The following PSIP1 variants were observed in gnomAD, a reference collection of about 807,000 sequenced individuals.
The protein encoded by PSIP1 is PC4 and SFRS1-interacting protein.
In PSIP1, 19 loss-of-function variants were observed where a neutral mutation model predicts 74.7. That is an observed-to-expected ratio of 0.25 (90% CI 0.18 to 0.37). The LOEUF (loss-of-function observed/expected upper bound fraction) is 0.37, where lower values mean the gene tolerates loss of function less well. Ranked by LOEUF, PSIP1 falls within the 10% of genes least tolerant of loss-of-function variation. PSIP1 has a pLI of 1.00. For missense variants in PSIP1, 601 were observed against 614.3 expected, an observed-to-expected ratio of 0.98 and a Z score of 0.23; for synonymous variants, 222 against 195.3, an observed-to-expected ratio of 1.14 and a Z score of -1.14.
In PSIP1 at chr9:15,474,067, G is replaced by C. The variant is rs1173627841; in HGVS notation, c.800C>G (p.Thr267Arg). 1 of 1,613,538 alleles carries C rather than the reference G, an allele frequency of 6.2e-7. No individual in the cohort carries two copies. The highest frequency in any genetic ancestry group is 8.5e-7 in the Non-Finnish European group (1 of 1,179,892). The change falls in exon 9 of 16, where the codon ACA becomes AGA. Residue 267 changes from threonine to arginine, a missense_variant. Thr to Arg is a moderately conservative substitution (Grantham distance 71). Transcript: ENST00000380733. ...AGAATCGGAGGTTGAAGTAACCCCT[G>C]TTTTAGCTAAATTTTTCCTTTTTGA... The part of the protein sequence containing the change: ...VESKRKNLAK[T>R]GVTSTSDSEE...
intron 2 of PSIP1, among the ~76,000 whole-genome samples, chr9:15,508,017 C>A (rs2037679238): frequency 6.6e-6 from 1 of 152,224 alleles, no homozygotes; most frequent in Non-Finnish European, 1.5e-5. Context: ...TCATATGCCT[C>A]TTTCTGCTAG....
In PSIP1 at chr9:15,474,253, T is replaced by C. The variant is rs777279915; in HGVS notation, c.630-16A>G. On this transcript the variant is annotated splice_polypyrimidine_tract_variant and intron_variant, in intron 8 of 15. Coordinates refer to ENST00000380733, the MANE Select transcript of PSIP1 (RefSeq NM_033222.5). ...TTCAGTAATGCTATTTTAGAGAACA[T>C]AACAATGTATACTTGTCATTCAACT... 1.9e-6 allele frequency: 3 copies of C among 1,569,406 alleles called. No homozygotes were observed. Among genetic ancestry groups the C allele is most frequent in the African/African-American group, 1.4e-5 (1 of 73,220 alleles).
At position 15,476,047 on chromosome 9, in the gene PSIP1, G is replaced by T. The variant is rs1195657127; in HGVS notation, c.630-1810C>A. 2.0e-5 allele frequency among the ~76,000 whole-genome samples: 3 copies of T among 152,262 alleles called. No individual in the cohort carries two copies. In the East Asian group the frequency reaches 5.8e-4, roughly 29 times the overall value. ...CGTGACAAAGAAGTAGACGCTAAGA[G>T]ATACATGGTGTTCTAACGGTGAAGA... On this transcript the variant is annotated intron_variant, in intron 8 of 15. Coordinates refer to ENST00000380733, the MANE Select transcript of PSIP1 (RefSeq NM_033222.5).
chr9:15,470,744 T>C, intron 10 of PSIP1: 1 of 962,608 alleles, frequency 1.0e-6, no homozygotes, highest in East Asian at 7.1e-5. Context: ...ATTAAGATTC[T>C]AAAGAATTAA....
intron 3 of PSIP1, among the ~76,000 whole-genome samples, chr9:15,492,866 G>C (rs979973775): frequency 2.0e-5 from 3 of 152,166 alleles, no homozygotes; most frequent in Non-Finnish European, 2.9e-5. Flanking sequence ...GCTATACCTT[G>C]GTCCCTTTTA....
intron 6 of PSIP1, among the ~76,000 whole-genome samples, chr9:15,485,574 C>A (rs1321113095): frequency 1.3e-5 from 2 of 152,204 alleles, no homozygotes; most frequent in Admixed American, 6.5e-5. Context: ...TAACCTTGCA[C>A]TGTCACTCAC....
intron 2 of PSIP1, among the ~76,000 whole-genome samples, chr9:15,508,714 T>C (rs1011121565): frequency 6.6e-6 from 1 of 152,172 alleles, no homozygotes; most frequent in Non-Finnish European, 1.5e-5. Flanking sequence ...TAGGCTCCAT[T>C]TGAACGTGAA....
chr9:15,491,702 T>G (rs961712805), intron 3 of PSIP1, among the ~76,000 whole-genome samples: 1 of 152,178 alleles, frequency 6.6e-6, no homozygotes, highest in Non-Finnish European at 1.5e-5. Context: ...TGAACCACTA[T>G]AGGTGTGTTA....
chr9:15,484,920 A>G (rs2036495871), intron 6 of PSIP1, among the ~76,000 whole-genome samples: 1 of 150,032 alleles, frequency 6.7e-6, no homozygotes, highest in African/African-American at 2.5e-5. Context: ...TCAAAAAAAA[A>G]AAAAAAAAAA....
intron 1 of PSIP1, among the ~76,000 whole-genome samples, chr9:15,510,570 T>C (rs2037822226): frequency 6.6e-6 from 1 of 151,910 alleles, no homozygotes; most frequent in African/African-American, 2.4e-5. Flanking sequence ...CCGCCCCATC[T>C]TTCTCCGGGC....
chr9:15,504,103 G>A (rs1159348421), intron 3 of PSIP1, among the ~76,000 whole-genome samples: 1 of 152,218 alleles, frequency 6.6e-6, no homozygotes, highest in Non-Finnish European at 1.5e-5. Flanking sequence ...ATATGGGGCA[G>A]CACTGCTTTT....
intron 3 of PSIP1, among the ~76,000 whole-genome samples, chr9:15,503,513 A>T (rs571391516): frequency 2.5e-4 from 38 of 152,138 alleles, no homozygotes; most frequent in East Asian, 1.2e-3. Flanking sequence ...ATAATAATAA[A>T]AAATACAAAA....
At chr9:15,498,674 A>G (rs1246755725) in intron 3 of PSIP1, among the ~76,000 whole-genome samples, 1 of 152,092 alleles carries the variant, frequency 6.6e-6, no homozygotes, top group Non-Finnish European at 1.5e-5. Context: ...ATATAAAAAA[A>G]TCCTTAATAT....
intron 6 of PSIP1, among the ~76,000 whole-genome samples, chr9:15,483,807 C>A (rs1367683443): frequency 1.3e-5 from 2 of 152,114 alleles, no homozygotes; most frequent in Non-Finnish European, 2.9e-5. Context: ...GGCTGACCAA[C>A]ATAGTGAAAC....
chr9:15,496,216 T>C (rs542792194), intron 3 of PSIP1, among the ~76,000 whole-genome samples: 108 of 152,320 alleles, frequency 7.1e-4, no homozygotes, highest in African/African-American at 2.2e-3. Context: ...GTAGGTGAAA[T>C]TTTAACCATG....
intron 10 of PSIP1, chr9:15,470,911 CAA>C (rs1321952943): frequency 2.1e-5 from 16 of 744,460 alleles, no homozygotes; most frequent in Non-Finnish European, 2.5e-5. Context: ...CTTTCAAACA[CAA>C]AGCTTCATTT....
In PSIP1 at chr9:15,473,926, A is replaced by C. The variant is rs867692929; in HGVS notation, c.858+83T>G. On this transcript the variant is annotated intron_variant, in intron 9 of 15. Transcript: ENST00000380733. ...AAACAAAAAAAAAACAAAAAAAAAA[A>C]CAAAAAAAAAACAAAGAAAAAACAA... The C allele has an allele frequency of 8.4e-4, 643 of 768,616 alleles. 3 individuals carry two copies. The highest frequency in any genetic ancestry group is 5.9e-3 in the Middle Eastern group (13 of 2,188). 47.6% of individuals were successfully genotyped at this position (768,616 alleles called of 1,614,324 possible). A position where few individuals can be genotyped will look rare whatever the true frequency, so the allele number is the denominator to read the frequency against.
chr9:15,473,200 G>A (rs1477304566), intron 9 of PSIP1, among the ~76,000 whole-genome samples: 2 of 152,088 alleles, frequency 1.3e-5, no homozygotes, highest in African/African-American at 4.8e-5. Context: ...CTACACAAAA[G>A]GATACACAGC....
chr9:15,498,789 T>C (rs2132194444), intron 3 of PSIP1, among the ~76,000 whole-genome samples: 1 of 152,322 alleles, frequency 6.6e-6, no homozygotes. Context: ...ACTGATTCAT[T>C]CTTCAAGGCA....
Sources: allele counts gnomAD v4.1 joint callset (sites outside exome capture counted in the v4.1 genomes callset), GRCh38; gene constraint gnomAD v4.1.1; transcripts MANE v1.5; gene names NCBI Gene and HGNC (gene_info 2026-07-23, HGNC 2026-07-21).